SHC4: variants seen among roughly 807,000 people sequenced by gnomAD.
The protein encoded by SHC4 is SHC adaptor protein 4, also known as SHC-transforming protein 4.
Under a neutral mutation model 69.4 loss-of-function variants are expected in SHC4, and 41 were observed. That is an observed-to-expected ratio of 0.59 (90% CI 0.46 to 0.77). The LOEUF is 0.77. SHC4 is among the 30% of genes least tolerant of loss of function. SHC4 has a pLI of 0.00. For missense variants in SHC4, 777 were observed against 783.8 expected (o/e 0.99, Z 0.10); for synonymous variants, 318 against 299.3 (o/e 1.06, Z -0.64).
At chr15:48,834,690 T>G in intron 11 of SHC4, 79 bp downstream of exon 11, 1 of 1,562,574 alleles carries the variant, frequency 6.4e-7, no homozygotes. Context: ...CACTATTCAA[T>G]ACCAGGTTTT....
At chr15:48,890,971 A>C (rs753149417) in intron 2 of SHC4, among the ~76,000 whole-genome samples, 160 bp from the exon 3 acceptor site, 10 of 152,226 alleles carry the variant, frequency 6.6e-5, no homozygotes, top group Non-Finnish European at 1.0e-4. Context: ...GAAATGCTGT[A>C]CTTACTCCTT....
chr15:48,867,189 G>C (rs1899579275), intron 6 of SHC4, among the ~76,000 whole-genome samples: 1 of 152,118 alleles, frequency 6.6e-6, no homozygotes, highest in African/African-American at 2.4e-5. Flanking sequence ...AGCAGTTTTT[G>C]CCATTAAAAG....
At chr15:48,888,882 C>CA (rs36036782) in intron 3 of SHC4, among the ~76,000 whole-genome samples, 45,428 of 89,074 alleles carry the variant, frequency 0.51, 10,771 homozygotes, top group Middle Eastern at 0.62. Context: ...GTGAAACTGT[C>CA]AAAAAAAAAA....
rs930118730 is a variant in SHC4 at position 48,851,222 on chromosome 15, T to C, written c.1269A>G (p.Val423=). ...TGCTTTGTTCTAAACAGTTCTCATA[T>C]ACACTGCTGCACTTGGAGTTTCCAG... ...YLPGNSKCSS[V]YENCLEQSRA... is the part of the protein sequence containing the mutation. Residue 423 remains valine, a synonymous_variant, in exon 9 of 12, where the codon GTA becomes GTG. Transcript: ENST00000332408. The C allele has an allele frequency of 7.4e-6, 12 of 1,614,026 alleles. No individual in the cohort carries two copies. In the East Asian group the frequency reaches 8.9e-5, roughly 12 times the overall value.
intron 2 of SHC4, among the ~76,000 whole-genome samples, chr15:48,896,036 T>G (rs907453059): frequency 5.3e-5 from 8 of 152,078 alleles, no homozygotes; most frequent in Non-Finnish European, 1.0e-4. Context: ...TGCAGTGAGT[T>G]AGGATCACAT....
Position 48,857,933 on chromosome 15 carries a change from C to T in SHC4, c.947-118G>A, listed in dbSNP as rs1899361336. The stretch of plus-strand genomic sequence containing the variant: ...AATTGAATAAAAGGGAGCAGGATTA[C>T]AAGCTCTCTGCAGCCATGAAATGAT... On this transcript the variant is annotated intron_variant, in intron 6 of 11. Coordinates refer to ENST00000332408, the MANE Select transcript of SHC4 (RefSeq NM_203349.4). 1.1e-5 allele frequency: 8 copies of T among 709,180 alleles called. No individual in the cohort carries two copies. The South Asian group carries it at 1.5e-4, about 14-fold the overall frequency. The allele number at this position is 709,180 out of a possible 1,614,324, so 43.9% of individuals were successfully genotyped here. A position where few individuals can be genotyped will look rare whatever the true frequency, so the allele number is the denominator to read the frequency against.
intron 6 of SHC4, among the ~76,000 whole-genome samples, chr15:48,860,689 A>G (rs559787488): frequency 6.6e-6 from 1 of 152,256 alleles, no homozygotes; most frequent in South Asian, 2.1e-4. Flanking sequence ...TAAATAAGAA[A>G]AGCTAAATTG....
intron 2 of SHC4, among the ~76,000 whole-genome samples, chr15:48,895,157 A>G (rs1900203127): frequency 6.6e-6 from 1 of 152,082 alleles, no homozygotes; most frequent in Non-Finnish European, 1.5e-5. Context: ...TGAGCACCTT[A>G]TGTACATCAT....
In SHC4 at chr15:48,895,027, ACTC is replaced by A. The variant is rs200248679; in HGVS notation, c.657-4219_657-4217del. Among the ~76,000 whole-genome samples, 586 of 150,688 alleles carry A rather than the reference ACTC, an allele frequency of 3.9e-3. 5 individuals carry two copies. Among genetic ancestry groups the A allele is most frequent in the African/African-American group, 0.014 (560 of 40,966 alleles). ...CCTATGTTGCCTGGGTTGGTCTTGA[ACTC>A]CTGGGCTCAAGTGAGTCTCCCACCT... On this transcript the variant is annotated intron_variant, in intron 2 of 11. Transcript: ENST00000332408.
At chr15:48,856,714 C>A in intron 7 of SHC4, among the ~76,000 whole-genome samples, 1 of 143,320 alleles carries the variant, frequency 7.0e-6, no homozygotes, top group African/African-American at 2.6e-5. Context: ...AAAATTGAAA[C>A]AGGGCAAGAC....
intron 7 of SHC4, among the ~76,000 whole-genome samples, chr15:48,856,398 A>G (rs1477668036): frequency 6.6e-6 from 1 of 152,222 alleles, no homozygotes; most frequent in Non-Finnish European, 1.5e-5. Flanking sequence ...GATAATAACA[A>G]TATATGAACT....
chr15:48,887,490 T>C (rs566679675), intron 3 of SHC4, among the ~76,000 whole-genome samples: 3 of 152,254 alleles, frequency 2.0e-5, no homozygotes, highest in South Asian at 2.1e-4. Flanking sequence ...CCAAAACTTA[T>C]GGGATGCAGT....
chr15:48,883,289 C>T (rs993753), intron 4 of SHC4, among the ~76,000 whole-genome samples: 1 of 152,096 alleles, frequency 6.6e-6, no homozygotes, highest in Admixed American at 6.5e-5. Flanking sequence ...AATCCATCCT[C>T]TCAGAAACCT....
chr15:48,927,888 C>T (rs1262069034), intron 1 of SHC4, among the ~76,000 whole-genome samples: 1 of 152,154 alleles, frequency 6.6e-6, no homozygotes, highest in Non-Finnish European at 1.5e-5. Flanking sequence ...TGTTAATTTG[C>T]TTGTCTAGTA....
At chr15:48,949,830 T>C (rs938269824) in intron 1 of SHC4, among the ~76,000 whole-genome samples, 7 of 146,316 alleles carry the variant, frequency 4.8e-5, no homozygotes, top group South Asian at 4.2e-4. Flanking sequence ...AATATATATA[T>C]AAATTATGTA....
chr15:48,827,834 A>G (rs1898717469), intron 11 of SHC4, among the ~76,000 whole-genome samples: 1 of 152,180 alleles, frequency 6.6e-6, no homozygotes, highest in Admixed American at 6.5e-5. Context: ...TTTGAAAAAA[A>G]TAAAATCTGG....
intron 2 of SHC4, among the ~76,000 whole-genome samples, chr15:48,917,952 G>A (rs1900660678): frequency 6.6e-6 from 1 of 152,092 alleles, no homozygotes. Flanking sequence ...TCATGTTGCT[G>A]TCTCCCTGAT....
chr15:48,856,540 T>A (rs1194476428), intron 7 of SHC4, among the ~76,000 whole-genome samples: 1 of 152,002 alleles, frequency 6.6e-6, no homozygotes, highest in Admixed American at 6.6e-5. Flanking sequence ...TCTTCGGGTA[T>A]AGGGCCTGTC....
chr15:48,852,767 T>C (rs1447309801), intron 8 of SHC4, among the ~76,000 whole-genome samples: 1 of 151,998 alleles, frequency 6.6e-6, no homozygotes, highest in African/African-American at 2.4e-5. Context: ...CTGGGCATGG[T>C]GGCATGCACC....
Sources: allele counts gnomAD v4.1 joint callset (sites outside exome capture counted in the v4.1 genomes callset), GRCh38; gene constraint gnomAD v4.1.1; transcripts MANE v1.5; gene names NCBI Gene and HGNC (gene_info 2026-07-23, HGNC 2026-07-21).